Variants in PACRG observed in about 807,000 individuals in gnomAD.
PACRG encodes parkin coregulated, also known as parkin coregulated gene protein.
PACRG carries 29 observed loss-of-function variants against 29.7 expected under a neutral mutation model. The ratio of observed to expected loss-of-function variants is 0.98; its 90% CI spans 0.73 to 1.33. The LOEUF is 1.33. Among genes scored for constraint, PACRG ranks in the 40% most tolerant of loss-of-function variants. The pLI, the probability that PACRG is intolerant of heterozygous loss-of-function variation, is 0.00. For synonymous variants in PACRG, 116 were observed against 118.7 expected (o/e 0.98, Z 0.15); for missense variants, 279 against 316.2 (o/e 0.88, Z 0.89).
intron 2 of PACRG, among the ~76,000 whole-genome samples, chr6:162,883,348 A>G (rs1028040243): frequency 2.6e-5 from 4 of 152,130 alleles, no homozygotes; most frequent in Non-Finnish European, 4.4e-5. Flanking sequence ...TAATTAATTT[A>G]TTAGATTTTT....
chr6:163,143,729 C>T (rs746457286), intron 4 of PACRG, among the ~76,000 whole-genome samples: 5 of 151,282 alleles, frequency 3.3e-5, no homozygotes, highest in Non-Finnish European at 5.9e-5. Context: ...ATCAACAGGC[C>T]TGGGCGACGT....
At chr6:162,756,640 ATTTAAGGTAAT>A (rs1199360171) in intron 1 of PACRG, among the ~76,000 whole-genome samples, 1 of 152,106 alleles carries the variant, frequency 6.6e-6, no homozygotes, top group Non-Finnish European at 1.5e-5. Flanking sequence ...ATCCATTTAC[ATTTAAGGTAAT>A]TATTGCAAGG....
intron 2 of PACRG, 178 bp downstream of exon 2, chr6:162,814,459 T>A: frequency 3.1e-6 from 2 of 653,060 alleles, no homozygotes; most frequent in Non-Finnish European, 4.8e-6. Context: ...GACTAACAAT[T>A]AAATTATAGC....
At chr6:162,856,594 A>G (rs758362369) in intron 2 of PACRG, among the ~76,000 whole-genome samples, 1 of 38,122 alleles carries the variant, frequency 2.6e-5, no homozygotes, top group African/African-American at 1.5e-4. Context: ...CGTCTCGAAG[A>G]AAAAAATCTC....
intron 4 of PACRG, among the ~76,000 whole-genome samples, chr6:163,220,934 A>T (rs1781561832): frequency 6.6e-6 from 1 of 152,220 alleles, no homozygotes; most frequent in African/African-American, 2.4e-5. Flanking sequence ...TACTGATGTT[A>T]TGCAACTTGG....
At chr6:163,152,524 C>T (rs942599336) in intron 4 of PACRG, among the ~76,000 whole-genome samples, 1 of 152,188 alleles carries the variant, frequency 6.6e-6, no homozygotes, top group African/African-American at 2.4e-5. Flanking sequence ...TTCTATTTTG[C>T]CTTCATGGAA....
chr6:162,958,468 C>T (rs967427190), intron 2 of PACRG, among the ~76,000 whole-genome samples: 1 of 152,100 alleles, frequency 6.6e-6, no homozygotes, highest in Non-Finnish European at 1.5e-5. Context: ...ACTTCTAAAT[C>T]AATCATATTT....
At chr6:163,104,893 A>G (rs952641940) in intron 4 of PACRG, among the ~76,000 whole-genome samples, 1 of 152,224 alleles carries the variant, frequency 6.6e-6, no homozygotes, top group African/African-American at 2.4e-5. Flanking sequence ...ACACGGTTGT[A>G]TATTATACAG....
At chr6:163,077,607 C>T (rs1217461222) in intron 3 of PACRG, among the ~76,000 whole-genome samples, 5 of 152,146 alleles carry the variant, frequency 3.3e-5, no homozygotes, top group Non-Finnish European at 7.3e-5. Context: ...TTACCCTTTA[C>T]TCATGATCTA....
intron 4 of PACRG, among the ~76,000 whole-genome samples, chr6:163,203,109 C>T (rs568332989): frequency 2.6e-5 from 4 of 152,164 alleles, no homozygotes; most frequent in Non-Finnish European, 5.9e-5. Flanking sequence ...CTCAAAAGCA[C>T]TGTAGATGGG....
At chr6:162,781,585 C>T (rs1394942110) in intron 1 of PACRG, among the ~76,000 whole-genome samples, 4 of 151,078 alleles carry the variant, frequency 2.6e-5, no homozygotes, top group East Asian at 1.9e-4. Flanking sequence ...TCATAACATA[C>T]GTAGGATTAA....
chr6:163,004,733 T>TAC (rs1398889116), intron 2 of PACRG, among the ~76,000 whole-genome samples: 3,891 of 139,160 alleles, frequency 0.028, 152 homozygotes, highest in African/African-American at 0.091. Flanking sequence ...TGTGTATATA[T>TAC]ATATACACAC....
intron 4 of PACRG, among the ~76,000 whole-genome samples, chr6:163,228,671 T>G (rs977917312): frequency 1.3e-5 from 2 of 152,224 alleles, no homozygotes; most frequent in Admixed American, 6.5e-5. Flanking sequence ...ACGATCATGA[T>G]TATTTTTGTA....
intron 1 of PACRG, among the ~76,000 whole-genome samples, chr6:162,782,895 A>G (rs141521844): frequency 6.6e-6 from 1 of 152,020 alleles, no homozygotes; most frequent in African/African-American, 2.4e-5. Context: ...AATTCTTACA[A>G]CTTGGTGAGA....
Position 163,167,173 on chromosome 6 carries a change from A to C in PACRG, c.613+77765A>C, listed in dbSNP as rs541718221. On this transcript the variant is annotated intron_variant, in intron 4 of 4. Coordinates refer to ENST00000366888, the MANE Select transcript of PACRG (RefSeq NM_001080379.2). Reference sequence around the variant, plus strand: ...GCTGGTAAAACACAAAGTTATATCCATTATGATTTCTACCTACCAGACAGA... The same window carrying C: ...GCTGGTAAAACACAAAGTTATATCCCTTATGATTTCTACCTACCAGACAGA... Among the ~76,000 whole-genome samples, 23 of 152,368 alleles carry C rather than the reference A, an allele frequency of 1.5e-4. No individual in the cohort carries two copies. The South Asian group carries it at 4.1e-3, about 27-fold the overall frequency.
chr6:163,118,528 C>T (rs941234719), intron 4 of PACRG, among the ~76,000 whole-genome samples: 5 of 152,174 alleles, frequency 3.3e-5, no homozygotes, highest in African/African-American at 1.2e-4. Flanking sequence ...GTTTCTGGGT[C>T]CTTTAAAGGA....
intron 4 of PACRG, among the ~76,000 whole-genome samples, chr6:163,211,893 C>T (rs188029310): frequency 1.3e-5 from 2 of 152,122 alleles, no homozygotes; most frequent in African/African-American, 2.4e-5. Context: ...GAGCTGAGCA[C>T]GTGCAGTCAG....
In PACRG at chr6:162,988,863, A is replaced by T. The variant is rs989253510; in HGVS notation, c.292-73287A>T. ...AGTAAAAGAAAAAGCAAAACTGAAA[A>T]CTATGAGTATGGTTTGATTACAGTA... On this transcript the variant is annotated intron_variant, in intron 2 of 4. Coordinates refer to ENST00000366888, the MANE Select transcript of PACRG (RefSeq NM_001080379.2). Among the ~76,000 whole-genome samples, 14 of 152,162 alleles carry T rather than the reference A, an allele frequency of 9.2e-5. No individual in the cohort carries two copies. The South Asian group carries it at 2.9e-3, about 32-fold the overall frequency.
At chr6:162,750,927 C>T (rs1044534777) in intron 1 of PACRG, among the ~76,000 whole-genome samples, 3 of 152,110 alleles carry the variant, frequency 2.0e-5, no homozygotes, top group Non-Finnish European at 4.4e-5. Context: ...CACTAGTGGT[C>T]GTGAGTTACG....
Sources: gnomAD v4.1 joint callset for allele counts (sites outside exome capture counted in the v4.1 genomes callset) on GRCh38, gnomAD v4.1.1 for gene constraint, MANE v1.5 for transcripts, NCBI Gene and HGNC (gene_info 2026-07-23, HGNC 2026-07-21) for gene names.